The following AKAP13 variants were observed in gnomAD, a reference collection of about 807,000 sequenced individuals.
The protein encoded by AKAP13 is A-kinase anchor protein 13.
AKAP13 carries 80 observed loss-of-function variants against 264.5 expected under a neutral mutation model. The ratio of observed to expected loss-of-function variants is 0.30; its 90% CI spans 0.25 to 0.36. AKAP13 has a LOEUF of 0.36. Ranked by LOEUF, AKAP13 falls within the 10% of genes least tolerant of loss-of-function variation. The pLI, the probability that AKAP13 is intolerant of heterozygous loss-of-function variation, is 1.00. For missense variants in AKAP13, 3,712 were observed against 3,435.2 expected (o/e 1.08, Z -2.01); for synonymous variants, 1,380 against 1,250.2 (o/e 1.10, Z -2.19).
rs1271951882 is a variant in AKAP13 at position 85,684,833 on chromosome 15, G to C, written c.5249G>C (p.Ser1750Thr). The C allele has an allele frequency of 1.9e-6, 3 of 1,613,932 alleles. No individual in the cohort carries two copies. Among genetic ancestry groups the C allele is most frequent in the Non-Finnish European group, 2.5e-6 (3 of 1,179,998 alleles). Residue 1750 changes from serine to threonine, a missense_variant, in exon 16 of 37, where the codon AGC becomes ACC. Physicochemically the swap from Ser to Thr is moderately conservative, Grantham distance 58. Around this residue, in one of 3 missense-constraint regions of AKAP13, gnomAD observed 2,759 missense variants for 2,411.7 expected, o/e 1.14. Coordinates refer to ENST00000394518, the MANE Select transcript of AKAP13 (RefSeq NM_007200.5). ...KSGTKVSRTFSYIKNKMSSSK... is the reference protein window; with the variant it reads ...KSGTKVSRTFTYIKNKMSSSK... ...GGAACAAAAGTCAGTCGTACATTCA[G>C]CTACATCAAGAATAAAATGTCTAGC...
chr15:85,589,732 A>T (rs922955095), intron 8 of AKAP13, among the ~76,000 whole-genome samples: 18 of 143,578 alleles, frequency 1.3e-4, no homozygotes, highest in African/African-American at 3.6e-4. Context: ...AAAAAAGCCT[A>T]CTCTTAATTT....
chr15:85,393,105 G>A (rs2070945753), intron 1 of AKAP13, among the ~76,000 whole-genome samples: 1 of 152,178 alleles, frequency 6.6e-6, no homozygotes, highest in Non-Finnish European at 1.5e-5. Context: ...AAGTGGGTGT[G>A]TTTCTGGAGT....
At chr15:85,651,059 A>T (rs1470642416) in intron 10 of AKAP13, among the ~76,000 whole-genome samples, 1 of 152,190 alleles carries the variant, frequency 6.6e-6, no homozygotes, top group Non-Finnish European at 1.5e-5. Flanking sequence ...AATATTAAGC[A>T]TGATTTCTTC....
At chr15:85,442,484 A>G (rs1420774443) in intron 1 of AKAP13, among the ~76,000 whole-genome samples, 1 of 111,052 alleles carries the variant, frequency 9.0e-6, no homozygotes, top group African/African-American at 3.5e-5. Flanking sequence ...ATTATATAAT[A>G]TATATAATAT....
Position 85,579,514 on chromosome 15 carries a change from G to A in AKAP13, c.1446G>A (p.Met482Ile). Residue 482 changes from methionine to isoleucine, a missense_variant, in exon 7 of 37, where the codon ATG becomes ATA. Physicochemically the swap from Met to Ile is conservative, Grantham distance 10. Transcript: ENST00000394518. ...GTACCCCAGACACTGCAGGGGAAAT[G>A]GAACATGGGCTCATGAACCCAGATG... is the stretch of plus-strand genomic sequence containing the variant. ...NVSTPDTAGE[M>I]EHGLMNPDAT... 3 of 1,614,174 alleles carry A rather than the reference G, an allele frequency of 1.9e-6. No homozygotes were observed. Among genetic ancestry groups the A allele is most frequent in the Non-Finnish European group, 2.5e-6 (3 of 1,180,030 alleles).
intron 2 of AKAP13, among the ~76,000 whole-genome samples, chr15:85,503,946 A>G (rs1245970961): frequency 6.6e-6 from 1 of 152,030 alleles, no homozygotes; most frequent in Non-Finnish European, 1.5e-5. Flanking sequence ...AGTGAGGGCT[A>G]GGTTTGTTGG....
intron 5 of AKAP13, among the ~76,000 whole-genome samples, chr15:85,572,342 T>A (rs961284728): frequency 6.6e-6 from 1 of 152,242 alleles, no homozygotes; most frequent in Non-Finnish European, 1.5e-5. Flanking sequence ...TTAGTGACTA[T>A]GTCAATGTAG....
chr15:85,455,387 G>T (rs563496651), intron 1 of AKAP13, among the ~76,000 whole-genome samples: 1 of 152,270 alleles, frequency 6.6e-6, no homozygotes, highest in East Asian at 1.9e-4. Context: ...GATGGCAACA[G>T]TGGGACACGA....
chr15:85,630,209 ATCATG>A (rs1433412235), intron 8 of AKAP13, among the ~76,000 whole-genome samples: 9 of 30,482 alleles, frequency 3.0e-4, no homozygotes, highest in Non-Finnish European at 3.8e-4. Context: ...ACACACACAC[ATCATG>A]AACTAAGATG....
intron 1 of AKAP13, among the ~76,000 whole-genome samples, chr15:85,466,256 C>G (rs1162214667): frequency 6.6e-6 from 1 of 151,858 alleles, no homozygotes; most frequent in East Asian, 1.9e-4. Context: ...GATATTAGCC[C>G]TTTGTCAGAT....
intron 1 of AKAP13, among the ~76,000 whole-genome samples, chr15:85,391,798 T>C (rs1476479725): frequency 6.6e-6 from 1 of 151,580 alleles, no homozygotes; most frequent in Admixed American, 6.6e-5. Context: ...TTATTCTTTT[T>C]TTTTGAGACA....
chr15:85,720,189 A>G (rs920367295), intron 23 of AKAP13, among the ~76,000 whole-genome samples: 6 of 151,804 alleles, frequency 4.0e-5, no homozygotes, highest in Non-Finnish European at 8.8e-5. Flanking sequence ...AGCCATGGTG[A>G]TGCTCGTGCC....
rs2079141920 is a variant in AKAP13, at chr15:85,581,516, C to A, written c.3448C>A (p.Pro1150Thr). 6.2e-7 allele frequency: 1 copy of A among 1,614,158 alleles called. No individual in the cohort carries two copies. The highest frequency in any genetic ancestry group is 2.2e-5 in the East Asian group (1 of 44,878). The change falls in exon 7 of 37, where the codon CCA becomes ACA. Residue 1150 changes from proline (P) to threonine (T), a missense_variant. Pro to Thr is a conservative substitution (Grantham distance 38). This residue lies in a region of AKAP13 where 2,759 missense variants were observed against 2,411.7 expected (regional missense o/e 1.14). Transcript: ENST00000394518. Reference protein sequence around the residue: ...AVTDPQGVGTPEMIPLDWEKG... With the variant: ...AVTDPQGVGTTEMIPLDWEKG... ...GACTGACCCACAGGGAGTTGGAACC[C>A]CAGAGATGATACCTCTTGATTGGGA...
intron 1 of AKAP13, among the ~76,000 whole-genome samples, chr15:85,468,294 G>A (rs2151016931): frequency 6.6e-6 from 1 of 152,298 alleles, no homozygotes; most frequent in South Asian, 2.1e-4. Context: ...GACGGTCAGA[G>A]TCTTAGCCCT....
intron 14 of AKAP13, among the ~76,000 whole-genome samples, chr15:85,677,301 G>C (rs1356010064): frequency 1.3e-5 from 2 of 152,144 alleles, no homozygotes; most frequent in Admixed American, 6.6e-5. Context: ...TACTAACGCT[G>C]AGCTACTGGC....
chr15:85,697,841 G>A (rs752267714), intron 17 of AKAP13, among the ~76,000 whole-genome samples: 2 of 152,152 alleles, frequency 1.3e-5, no homozygotes, highest in African/African-American at 4.8e-5. Context: ...CTTCACACTG[G>A]ATTTGTTTTT....
At chr15:85,574,105 A>G (rs1425073812) in intron 5 of AKAP13, among the ~76,000 whole-genome samples, 1 of 152,240 alleles carries the variant, frequency 6.6e-6, no homozygotes, top group Non-Finnish European at 1.5e-5. Context: ...CTGTGTATCA[A>G]ACTAATGAGA....
At position 85,621,567 on chromosome 15, in the gene AKAP13, T is replaced by C. The variant is rs1370242194; in HGVS notation, c.4162-17807T>C. 5 of 152,114 alleles carry C rather than the reference T, an allele frequency of 3.3e-5. No individual in the cohort carries two copies. In the East Asian group the frequency reaches 9.6e-4, roughly 29 times the overall value. The allele number at this position is 152,114 out of a possible 1,614,324, so 9.4% of individuals were successfully genotyped here. ...GAAAATCTGAGTATCACAAGAAATA[T>C]TGAACATTTAAAATAATGCTAAAAT... On this transcript the variant is annotated intron_variant, in intron 8 of 36. Transcript: ENST00000394518.
intron 29 of AKAP13, among the ~76,000 whole-genome samples, chr15:85,729,635 A>G (rs1422125849): frequency 6.6e-6 from 1 of 152,022 alleles, no homozygotes; most frequent in Non-Finnish European, 1.5e-5. Flanking sequence ...GAAAGTGGGT[A>G]AGGTAAAGAA....
Sources: gnomAD v4.1 joint callset for allele counts (sites outside exome capture counted in the v4.1 genomes callset) on GRCh38, gnomAD v4.1.1 for gene constraint, gnomAD v4.1.1 regional missense constraint, MANE v1.5 for transcripts, NCBI Gene and HGNC (gene_info 2026-07-23, HGNC 2026-07-21) for gene names.